ZKSCAN7: variants seen among roughly 807,000 people sequenced by gnomAD.
ZKSCAN7 encodes zinc finger with KRAB and SCAN domains 7, also known as zinc finger protein with KRAB and SCAN domains 7.
Under a neutral mutation model 65.3 loss-of-function variants are expected in ZKSCAN7, and 38 were observed. The ratio of observed to expected loss-of-function variants is 0.58; its 90% CI spans 0.45 to 0.76. The LOEUF (loss-of-function observed/expected upper bound fraction) is 0.76, where lower values mean the gene tolerates loss of function less well. ZKSCAN7 is among the 30% of genes least tolerant of loss of function. The pLI, the probability that ZKSCAN7 is intolerant of heterozygous loss-of-function variation, is 0.00. For missense variants in ZKSCAN7, 815 were observed against 913.3 expected (o/e 0.89, Z 1.39); for synonymous variants, 321 against 321.0 (o/e 1.00, Z 0.00).
At position 44,568,027 on chromosome 3, in the gene ZKSCAN7, T is replaced by TA. The variant is rs766076264; in HGVS notation, c.684+25dup. 5.7e-4 allele frequency: 670 copies of TA among 1,180,776 alleles called. 2 individuals carry two copies. The highest frequency in any genetic ancestry group is 5.2e-3 in the Middle Eastern group (20 of 3,830). 73.1% of individuals were successfully genotyped at this position (1,180,776 alleles called of 1,614,324 possible). ...AGGTGAGCTTGGTTCTTTGTGTTTT[T>TA]ACCAAGTCCCCATGAGTCTGGTCCA... On this transcript the variant is annotated intron_variant, in intron 4 of 5. Transcript: ENST00000426540.
chr3:44,557,718 A>G (rs976858851), intron 2 of ZKSCAN7: 29 of 556,278 alleles, frequency 5.2e-5, no homozygotes, highest in Admixed American at 2.5e-4. Flanking sequence ...GGAGATTCGC[A>G]TGGTACTCCT....
Position 44,557,251 on chromosome 3 carries a change from G to A in ZKSCAN7, c.204G>A (p.Pro68=), listed in dbSNP as rs140731391. 42 of 1,614,288 alleles carry A rather than the reference G, an allele frequency of 2.6e-5. No individual in the cohort carries two copies. In the African/African-American group the frequency reaches 3.6e-4, roughly 14 times the overall value. ...TGTGTTACCACGAGATGTCTGGGCCGCAGGAAGCATTGAGCCGGCTTCGGG... is the reference window on the plus strand; with the variant it reads ...TGTGTTACCACGAGATGTCTGGGCCACAGGAAGCATTGAGCCGGCTTCGGG... ...RQLCYHEMSG[P]QEALSRLREL... The change falls in exon 2 of 6, where the codon CCG becomes CCA. Residue 68 remains proline, a synonymous_variant. Transcript: ENST00000426540.
chr3:44,570,692 T>A lies in ZKSCAN7; in HGVS notation c.1582T>A (p.Cys528Ser). The part of the protein sequence containing the change: ...TGKKPYKCNE[C>S]GRAFCSNRNL... The stretch of plus-strand genomic sequence containing the variant: ...TAAGAAACCTTACAAATGCAATGAG[T>A]GTGGGAGAGCATTCTGTTCCAATAG... The change falls in exon 6 of 6, where the codon TGT (cysteine) becomes AGT (serine). Residue 528 changes from cysteine to serine, a missense_variant. Physicochemically the swap from Cys to Ser is moderately radical, Grantham distance 112. Transcript: ENST00000426540. 4 of 1,614,046 alleles carry A rather than the reference T, an allele frequency of 2.5e-6. No individual in the cohort carries two copies. The highest frequency in any genetic ancestry group is 3.4e-6 in the Non-Finnish European group (4 of 1,179,996).
At chr3:44,581,501 A>G (rs781556272) in intron 5 of ZKSCAN7, among the ~76,000 whole-genome samples, 8 of 152,246 alleles carry the variant, frequency 5.3e-5, no homozygotes, top group Non-Finnish European at 1.0e-4. Context: ...TTTAGAGGTC[A>G]AGGAATCATT....
intron 2 of ZKSCAN7, among the ~76,000 whole-genome samples, chr3:44,562,835 C>T (rs890166512): frequency 2.0e-4 from 31 of 151,964 alleles, no homozygotes; most frequent in Admixed American, 1.1e-3. Context: ...CTGGGCATGG[C>T]GGCGGGTGCC....
At chr3:44,575,847 G>C (rs949064192), downstream of ZKSCAN7, among the ~76,000 whole-genome samples, 1 of 152,104 alleles carries the variant, frequency 6.6e-6, no homozygotes, top group Non-Finnish European at 1.5e-5. Flanking sequence ...CAAAGTGCTG[G>C]GATTACAGGC....
At chr3:44,583,190 A>C in exon 6 of ZKSCAN7, 2 of 271,458 alleles carry the variant, frequency 7.4e-6, no homozygotes, top group Non-Finnish European at 1.5e-5. Flanking sequence ...AGCCTCCCAA[A>C]GTGGTGGGAT....
At chr3:44,580,242 C>G (rs1700037944) in intron 5 of ZKSCAN7, 1 of 1,613,314 alleles carries the variant, frequency 6.2e-7, no homozygotes, top group Non-Finnish European at 8.5e-7. Flanking sequence ...GAAGTAGCTG[C>G]TCTCCCCCCG....
chr3:44,560,326 AGAG>A (rs149913283), intron 2 of ZKSCAN7, among the ~76,000 whole-genome samples: 18,277 of 152,080 alleles, frequency 0.12, 1,125 homozygotes, highest in Middle Eastern at 0.18. Flanking sequence ...AAGTTTGCCA[AGAG>A]GAGATTAAGG....
downstream of ZKSCAN7, among the ~76,000 whole-genome samples, chr3:44,573,560 G>A (rs1699864726): frequency 6.6e-6 from 1 of 152,144 alleles, no homozygotes; most frequent in African/African-American, 2.4e-5. Context: ...TTTTAAATTT[G>A]TTTTCAACTT....
intron 5 of ZKSCAN7, chr3:44,582,930 G>GTT (rs978442327): frequency 2.3e-6 from 1 of 435,300 alleles, no homozygotes; most frequent in Non-Finnish European, 4.6e-6. Context: ...GTGTGTGTGT[G>GTT]TGTGTGTGTG....
chr3:44,580,942 G>A (rs1250685672), intron 5 of ZKSCAN7: 9 of 1,612,522 alleles, frequency 5.6e-6, no homozygotes, highest in South Asian at 4.4e-5. Flanking sequence ...TGCGACTCGC[G>A]GGGCTGGAAG....
chr3:44,559,469 C>G (rs770638065), intron 2 of ZKSCAN7, among the ~76,000 whole-genome samples: 2 of 152,122 alleles, frequency 1.3e-5, no homozygotes, highest in Non-Finnish European at 2.9e-5. Flanking sequence ...CCCTATCACC[C>G]AGGCTGGAGT....
In ZKSCAN7 at chr3:44,556,952, C is replaced by T; in HGVS notation, c.-96C>T. The T allele has an allele frequency of 6.5e-7, 1 of 1,542,400 alleles. No homozygotes were observed. The highest frequency in any genetic ancestry group is 8.9e-7 in the Non-Finnish European group (1 of 1,126,812). On this transcript the variant is annotated 5_prime_UTR_variant, in exon 2 of 6. Coordinates refer to ENST00000426540, the MANE Select transcript of ZKSCAN7 (RefSeq NM_001288590.2). ...TAGGCCACACTACCATCACCCCTTT[C>T]TCCAACCCTGAAAAACAGTTCCTGA...
intron 2 of ZKSCAN7, among the ~76,000 whole-genome samples, chr3:44,560,720 G>T (rs1455094327): frequency 6.6e-6 from 1 of 152,040 alleles, no homozygotes; most frequent in East Asian, 1.9e-4. Context: ...ATGTTAGCCA[G>T]AATGGTTTCG....
chr3:44,573,289 A>C (rs1212542451), downstream of ZKSCAN7, among the ~76,000 whole-genome samples: 1 of 152,068 alleles, frequency 6.6e-6, no homozygotes, highest in Non-Finnish European at 1.5e-5. Flanking sequence ...CCTTAAACTT[A>C]ATAGGTTTAG....
In ZKSCAN7 at chr3:44,568,713, T is replaced by C. The variant is rs9883146; in HGVS notation, c.811+280T>C. 8.6e-3 allele frequency among the ~76,000 whole-genome samples: 1,311 copies of C among 152,298 alleles called. 15 individuals carry two copies. Among genetic ancestry groups the C allele is most frequent in the African/African-American group, 0.03 (1,249 of 41,566 alleles). ...ATTGTAAGTAAGGAGCTGTGAGTCA[T>C]AGGCTTAAAGGAATGAGAACCTGGA... On this transcript the variant is annotated intron_variant, in intron 5 of 5. Coordinates refer to ENST00000426540, the MANE Select transcript of ZKSCAN7 (RefSeq NM_001288590.2).
At chr3:44,572,223 G>A (rs1448535151), downstream of ZKSCAN7, 1 of 985,358 alleles carries the variant, frequency 1.0e-6, no homozygotes, top group South Asian at 4.7e-5. Context: ...TGGACCAGCT[G>A]CTTCTAAAGA....
At position 44,570,379 on chromosome 3, in the gene ZKSCAN7, C is replaced by T. The variant is rs375012407; in HGVS notation, c.1269C>T (p.Thr423=). 1.2e-6 allele frequency: 2 copies of T among 1,613,694 alleles called. No homozygotes were observed. Among genetic ancestry groups the T allele is most frequent in the Non-Finnish European group, 8.5e-7 (1 of 1,179,852 alleles). ...AGTGTGGGAAGACCTTCAGGCAAAC[C>T]TCCCAGCTCATTGTTCATCTCAGAA... ...CNECGKTFRQ[T]SQLIVHLRTH... Residue 423 remains threonine (T), a synonymous_variant, in exon 6 of 6, where the codon ACC becomes ACT. Coordinates refer to ENST00000426540, the MANE Select transcript of ZKSCAN7 (RefSeq NM_001288590.2).
Sources: allele counts gnomAD v4.1 joint callset (sites outside exome capture counted in the v4.1 genomes callset), GRCh38; gene constraint gnomAD v4.1.1; transcripts MANE v1.5; gene names NCBI Gene and HGNC (gene_info 2026-07-23, HGNC 2026-07-21).